CEP85L: variants seen among roughly 807,000 people sequenced by gnomAD.
The protein encoded by CEP85L is centrosomal protein of 85 kDa-like.
A neutral mutation model predicts 100.3 loss-of-function variants in CEP85L; 60 were observed. The observed-to-expected ratio is 0.60, with a 90% CI of 0.49 to 0.74. The LOEUF (loss-of-function observed/expected upper bound fraction) is 0.74. Ranked by LOEUF, CEP85L falls within the 30% of genes least tolerant of loss-of-function variation. CEP85L has a pLI of 0.00. For synonymous variants in CEP85L, 319 were observed against 322.7 expected, an observed-to-expected ratio of 0.99 and a Z score of 0.12; for missense variants, 973 against 936.2, an observed-to-expected ratio of 1.04 and a Z score of -0.51.
chr6:118,495,490 TCTTC>T (rs1774860875), intron 5 of CEP85L, among the ~76,000 whole-genome samples: 1 of 152,146 alleles, frequency 6.6e-6, no homozygotes, highest in South Asian at 2.1e-4. Flanking sequence ...GCTCAGCACT[TCTTC>T]CTTCTATCAT....
intron 3 of CEP85L, among the ~76,000 whole-genome samples, chr6:118,551,070 C>T (rs9387590): frequency 1.3e-5 from 2 of 151,964 alleles, no homozygotes; most frequent in East Asian, 3.9e-4. Flanking sequence ...TTCAATTCAT[C>T]TGATACCTAA....
chr6:118,480,481 T>A lies in CEP85L; in HGVS notation c.1778A>T (p.Asp593Val). Residue 593 changes from aspartate (D) to valine (V), a missense_variant, in exon 9 of 13, where the codon GAT (aspartate) becomes GTT (valine). This residue lies in a region of CEP85L where 890 missense variants were observed against 844.5 expected (regional missense o/e 1.05). Transcript: ENST00000368491. ...ATCTAACATGGGAAGGCGGATTCCATCTTCAAGGCATCTTTCTACTTTTTG... is the reference window on the plus strand; with the variant it reads ...ATCTAACATGGGAAGGCGGATTCCAACTTCAAGGCATCTTTCTACTTTTTG... ...LQQKVERCLE[D>V]GIRLPMLDAK... The A allele has an allele frequency of 1.9e-6, 3 of 1,610,826 alleles. No individual in the cohort carries two copies. The highest frequency in any genetic ancestry group is 2.5e-6 in the Non-Finnish European group (3 of 1,178,018).
intron 2 of CEP85L, among the ~76,000 whole-genome samples, chr6:118,615,377 A>G (rs1204439818): frequency 6.6e-6 from 1 of 152,108 alleles, no homozygotes; most frequent in Non-Finnish European, 1.5e-5. Context: ...AAACTAGAAG[A>G]GCTAAAACAA....
intron 5 of CEP85L, chr6:118,501,720 C>T: frequency 2.7e-6 from 2 of 732,088 alleles, no homozygotes; most frequent in Non-Finnish European, 4.9e-6. Context: ...CTGAAGCAGA[C>T]CACAGACTTC....
At chr6:118,523,538 G>A (rs1040253750) in intron 4 of CEP85L, among the ~76,000 whole-genome samples, 10 of 152,142 alleles carry the variant, frequency 6.6e-5, no homozygotes, top group African/African-American at 1.4e-4. Context: ...CCCGCTACAC[G>A]TACAGAAAAG....
intron 2 of CEP85L, among the ~76,000 whole-genome samples, chr6:118,578,167 G>A (rs1780352127): frequency 6.6e-6 from 1 of 152,094 alleles, no homozygotes; most frequent in Non-Finnish European, 1.5e-5. Flanking sequence ...ACGAGCACTT[G>A]TTCCTCAGCT....
chr6:118,503,587 A>G (rs1451898452), intron 5 of CEP85L, among the ~76,000 whole-genome samples: 1 of 152,224 alleles, frequency 6.6e-6, no homozygotes, highest in Non-Finnish European at 1.5e-5. Flanking sequence ...GTGATAAAAT[A>G]TAAAATTAAT....
In CEP85L at chr6:118,511,286, C is replaced by G. The variant is rs113748219; in HGVS notation, c.1257+12G>C. 1,260 of 1,548,340 alleles carry G rather than the reference C, an allele frequency of 8.1e-4. 12 individuals are homozygous for G. In the African/African-American group the frequency reaches 0.015, roughly 19 times the overall value. On this transcript the variant is annotated intron_variant, in intron 5 of 12. Coordinates refer to ENST00000368491, the MANE Select transcript of CEP85L (RefSeq NM_001042475.3). ...ACTACTAAAACAGCTACAAAATCCT[C>G]TGTAATCTTACCTGCAAACTAGCCA...
At chr6:118,653,862 G>A (rs1037765304), upstream of CEP85L, among the ~76,000 whole-genome samples, 1 of 151,488 alleles carries the variant, frequency 6.6e-6, no homozygotes, top group Non-Finnish European at 1.5e-5. Context: ...CACAAAAGAA[G>A]AAAATAGTAC....
intron 1 of CEP85L, among the ~76,000 whole-genome samples, chr6:118,660,553 T>G (rs1370993271): frequency 6.6e-6 from 1 of 152,216 alleles, no homozygotes; most frequent in Non-Finnish European, 1.5e-5. Context: ...GCCAGATAAC[T>G]TTCCCATTGG....
chr6:118,655,744 T>G (rs1440082976), upstream of CEP85L, among the ~76,000 whole-genome samples: 2 of 152,118 alleles, frequency 1.3e-5, no homozygotes, highest in Non-Finnish European at 2.9e-5. Flanking sequence ...GAAAAGGGGA[T>G]TTTCAACAGT....
intron 7 of CEP85L, among the ~76,000 whole-genome samples, chr6:118,482,925 C>T (rs1773895442): frequency 6.6e-6 from 1 of 152,178 alleles, no homozygotes; most frequent in African/African-American, 2.4e-5. Context: ...TAACTTTACC[C>T]CCAGAAGACA....
chr6:118,693,723 C>G (rs189906603), intron 1 of CEP85L, among the ~76,000 whole-genome samples: 29 of 152,332 alleles, frequency 1.9e-4, no homozygotes, highest in Non-Finnish European at 3.5e-4. Context: ...GCTGCTGCCA[C>G]TTAGCATCAG....
At chr6:118,650,450 C>T (rs1022891092) in intron 1 of CEP85L, among the ~76,000 whole-genome samples, 1 of 152,148 alleles carries the variant, frequency 6.6e-6, no homozygotes, top group African/African-American at 2.4e-5. Flanking sequence ...ACAAACAGAC[C>T]CCTTCAGATA....
At chr6:118,677,384 C>A (rs1231034719) in intron 1 of CEP85L, among the ~76,000 whole-genome samples, 1 of 152,124 alleles carries the variant, frequency 6.6e-6, no homozygotes, top group African/African-American at 2.4e-5. Flanking sequence ...TGTCCGTAGT[C>A]CTGAAGTGTC....
intron 2 of CEP85L, among the ~76,000 whole-genome samples, chr6:118,581,206 A>G (rs1780556700): frequency 6.6e-6 from 1 of 152,190 alleles, no homozygotes; most frequent in South Asian, 2.1e-4. Context: ...GCAGGAAAAC[A>G]GCCATTTGGT....
upstream of CEP85L, chr6:118,657,051 C>T (rs1020681615): frequency 6.6e-6 from 1 of 152,298 alleles, no homozygotes; most frequent in Non-Finnish European, 1.5e-5. Context: ...CAGGTGTTAC[C>T]TTCCAATAAG....
intron 3 of CEP85L, among the ~76,000 whole-genome samples, chr6:118,544,782 A>G (rs1778100783): frequency 6.6e-6 from 1 of 152,206 alleles, no homozygotes. Flanking sequence ...TTTATAGGTT[A>G]CTTTATCACT....
chr6:118,480,985 TTC>T (rs1773736830), intron 8 of CEP85L, among the ~76,000 whole-genome samples: 1 of 152,120 alleles, frequency 6.6e-6, no homozygotes, highest in Non-Finnish European at 1.5e-5. Context: ...AGAGTTGCAT[TTC>T]TCTTTCATTT....
Sources: gnomAD v4.1 joint callset for allele counts (sites outside exome capture counted in the v4.1 genomes callset) on GRCh38, gnomAD v4.1.1 for gene constraint, gnomAD v4.1.1 regional missense constraint, MANE v1.5 for transcripts, NCBI Gene and HGNC (gene_info 2026-07-23, HGNC 2026-07-21) for gene names.